CHRM3: variants seen among roughly 807,000 people sequenced by gnomAD.
CHRM3 encodes muscarinic acetylcholine receptor M3.
Under a neutral mutation model 41.8 loss-of-function variants are expected in CHRM3, and 11 were observed. The observed-to-expected ratio is 0.26, with a 90% confidence interval of 0.17 to 0.44. The LOEUF is 0.44. CHRM3 is among the 20% of genes least tolerant of loss of function. CHRM3 has a pLI of 1.00. For synonymous variants in CHRM3, 297 were observed against 301.4 expected (o/e 0.99, Z 0.15); for missense variants, 571 against 745.4 (o/e 0.77, Z 2.72).
intron 1 of CHRM3, among the ~76,000 whole-genome samples, chr1:239,446,509 A>G (rs1166507680): frequency 6.6e-6 from 1 of 152,210 alleles, no homozygotes; most frequent in East Asian, 1.9e-4. Context: ...GTCTAAAGGA[A>G]AACAAAAACA....
chr1:239,572,335 C>T (rs1661906648), intron 3 of CHRM3, among the ~76,000 whole-genome samples: 1 of 152,166 alleles, frequency 6.6e-6, no homozygotes, highest in African/African-American at 2.4e-5. Flanking sequence ...CCTCTTCTTC[C>T]AGACACTGAA....
At chr1:239,864,990 C>A (rs554333382) in intron 6 of CHRM3, among the ~76,000 whole-genome samples, 5 of 152,248 alleles carry the variant, frequency 3.3e-5, no homozygotes, top group African/African-American at 1.2e-4. Context: ...ACACACCCTC[C>A]CTCCATCGAG....
chr1:239,617,460 C>T (rs1191795168), intron 3 of CHRM3, among the ~76,000 whole-genome samples: 1 of 152,118 alleles, frequency 6.6e-6, no homozygotes, highest in African/African-American at 2.4e-5. Context: ...CGTGGGAGCT[C>T]ACACCTACAA....
At chr1:239,655,249 C>T (rs940249522) in intron 4 of CHRM3, among the ~76,000 whole-genome samples, 7 of 152,202 alleles carry the variant, frequency 4.6e-5, no homozygotes, top group African/African-American at 1.4e-4. Context: ...AGTGATTACA[C>T]AGCTGCAAAA....
At chr1:239,655,095 G>A (rs998811105) in intron 4 of CHRM3, among the ~76,000 whole-genome samples, 4 of 152,132 alleles carry the variant, frequency 2.6e-5, no homozygotes, top group Admixed American at 6.5e-5. Context: ...TTATGTTCTC[G>A]TGCAGCGAAA....
intron 5 of CHRM3, among the ~76,000 whole-genome samples, chr1:239,820,684 A>G: frequency 6.6e-6 from 1 of 152,130 alleles, no homozygotes; most frequent in East Asian, 1.9e-4. Context: ...CCCCAGCAAC[A>G]GGAAGATGCC....
At chr1:239,424,262 A>G (rs1662195669) in intron 1 of CHRM3, among the ~76,000 whole-genome samples, 1 of 152,090 alleles carries the variant, frequency 6.6e-6, no homozygotes, top group Non-Finnish European at 1.5e-5. Context: ...GGAGCTGCTA[A>G]GATTCTATGT....
chr1:239,808,055 T>C (rs1005495366), intron 5 of CHRM3, among the ~76,000 whole-genome samples: 3 of 152,182 alleles, frequency 2.0e-5, no homozygotes, highest in African/African-American at 7.2e-5. Flanking sequence ...TCCTTGGAAT[T>C]CTTTATCGGT....
At chr1:239,400,106 G>A (rs1009081551) in intron 1 of CHRM3, among the ~76,000 whole-genome samples, 4 of 151,932 alleles carry the variant, frequency 2.6e-5, no homozygotes, top group East Asian at 1.9e-4. Context: ...ATAGGGTTTC[G>A]CCATGTTGGC....
intron 5 of CHRM3, among the ~76,000 whole-genome samples, chr1:239,700,308 C>T (rs1198733647): frequency 6.6e-6 from 1 of 152,152 alleles, no homozygotes; most frequent in Admixed American, 6.5e-5. Context: ...CCGTCTATAA[C>T]ATCTTCAGCA....
rs556439714 is a variant in CHRM3, at chr1:239,881,079, C to T, written c.-19-26354C>T. On this transcript the variant is annotated intron_variant, in intron 6 of 6. Transcript: ENST00000676153. ...TGGGCGGATCACGAGGTCAGGAGATCGAGACCATCCTGGCTAACACGGTGA... is the reference window on the plus strand; with the variant it reads ...TGGGCGGATCACGAGGTCAGGAGATTGAGACCATCCTGGCTAACACGGTGA... 5.3e-5 allele frequency among the ~76,000 whole-genome samples: 8 copies of T among 151,916 alleles called. No individual in the cohort carries two copies. In the South Asian group the frequency reaches 1.0e-3, roughly 20 times the overall value.
intron 3 of CHRM3, among the ~76,000 whole-genome samples, chr1:239,603,835 TG>T (rs1665908594): frequency 6.6e-6 from 1 of 152,156 alleles, no homozygotes; most frequent in South Asian, 2.1e-4. Flanking sequence ...GTTCTGTTTG[TG>T]GTAAAGATTA....
At chr1:239,546,423 A>G (rs952181815) in intron 3 of CHRM3, 3 of 152,178 alleles carry the variant, frequency 2.0e-5, no homozygotes, top group Admixed American at 1.3e-4. Flanking sequence ...CAAACTCTGT[A>G]AAAATAAATG....
intron 2 of CHRM3, among the ~76,000 whole-genome samples, chr1:239,506,627 C>G (rs1322794961): frequency 6.6e-6 from 1 of 152,150 alleles, no homozygotes; most frequent in Admixed American, 6.5e-5. Flanking sequence ...GGGGTCAGAG[C>G]CCCCACACAG....
intron 4 of CHRM3, among the ~76,000 whole-genome samples, chr1:239,671,369 A>G (rs1170760208): frequency 2.0e-5 from 3 of 152,180 alleles, no homozygotes; most frequent in Non-Finnish European, 4.4e-5. Flanking sequence ...TTGAGTCCAG[A>G]GTTTGAGACC....
At chr1:239,480,779 C>T (rs1034007053) in intron 1 of CHRM3, among the ~76,000 whole-genome samples, 4 of 151,896 alleles carry the variant, frequency 2.6e-5, no homozygotes, top group South Asian at 2.1e-4. Context: ...AGGATGGTCT[C>T]GATCTCCTGA....
intron 3 of CHRM3, among the ~76,000 whole-genome samples, chr1:239,584,387 A>G (rs1026487830): frequency 3.9e-5 from 6 of 152,134 alleles, no homozygotes; most frequent in African/African-American, 1.2e-4. Context: ...TACAGGTGTG[A>G]GTCACTGCCA....
At chr1:239,892,446 C>A (rs1421066583) in intron 6 of CHRM3, among the ~76,000 whole-genome samples, 1 of 152,070 alleles carries the variant, frequency 6.6e-6, no homozygotes, top group Non-Finnish European at 1.5e-5. Flanking sequence ...CTGAACATGA[C>A]CTTGGAGTTT....
intron 1 of CHRM3, among the ~76,000 whole-genome samples, chr1:239,422,001 A>C (rs2103105007): frequency 6.6e-6 from 1 of 152,352 alleles, no homozygotes; most frequent in Admixed American, 6.5e-5. Flanking sequence ...ATGTCACCAT[A>C]AAGCTATAAC....
Sources: allele counts gnomAD v4.1 joint callset (sites outside exome capture counted in the v4.1 genomes callset), GRCh38; gene constraint gnomAD v4.1.1; transcripts MANE v1.5; gene names NCBI Gene and HGNC (gene_info 2026-07-23, HGNC 2026-07-21).